The following DLG1 variants were observed in gnomAD, a reference collection of about 807,000 sequenced individuals.
DLG1 encodes discs large MAGUK scaffold protein 1.
DLG1 carries 42 observed loss-of-function variants against 123.4 expected under a neutral mutation model. The observed-to-expected ratio is 0.34, with a 90% CI of 0.27 to 0.44. DLG1 has a LOEUF of 0.44. Ranked by LOEUF, DLG1 falls within the 20% of genes least tolerant of loss-of-function variation. The pLI is 1.00. For synonymous variants in DLG1, 317 were observed against 356.2 expected (o/e 0.89, Z 1.24); for missense variants, 942 against 1,082.6 (o/e 0.87, Z 1.82).
At chr3:197,180,930 A>AC (rs1290627093) in intron 5 of DLG1, among the ~76,000 whole-genome samples, 1 of 152,214 alleles carries the variant, frequency 6.6e-6, no homozygotes, top group African/African-American at 2.4e-5. Flanking sequence ...GCATTTATTA[A>AC]CACCAACTAC....
intron 5 of DLG1, among the ~76,000 whole-genome samples, chr3:197,159,890 T>C (rs935883036): frequency 6.6e-5 from 10 of 152,196 alleles, no homozygotes; most frequent in Admixed American, 3.9e-4. Context: ...ACAAAACTTG[T>C]TCCTTAGTTT....
chr3:197,151,031 T>C (rs1238699301), intron 5 of DLG1, among the ~76,000 whole-genome samples: 1 of 152,136 alleles, frequency 6.6e-6, no homozygotes, highest in Non-Finnish European at 1.5e-5. Flanking sequence ...AAATAAAAAT[T>C]GTACTTATAA....
At chr3:197,134,100 CTG>C (rs1783955662) in intron 10 of DLG1, among the ~76,000 whole-genome samples, 1 of 152,144 alleles carries the variant, frequency 6.6e-6, no homozygotes, top group Non-Finnish European at 1.5e-5. Context: ...GCTGTCTTGA[CTG>C]TGTTTGTGTG....
intron 13 of DLG1, among the ~76,000 whole-genome samples, 193 bp from the exon 14 acceptor site, chr3:197,105,198 T>C (rs546772571): frequency 1.1e-4 from 16 of 152,356 alleles, no homozygotes; most frequent in Non-Finnish European, 2.1e-4. Context: ...AGCTATTTTA[T>C]TTACTAAAAC....
At chr3:197,250,320 A>G (rs1753744998) in intron 4 of DLG1, among the ~76,000 whole-genome samples, 1 of 152,248 alleles carries the variant, frequency 6.6e-6, no homozygotes, top group Admixed American at 6.5e-5. Context: ...CTGTAATCCC[A>G]GCACTTTGGG....
At chr3:197,270,073 C>T (rs1763292599) in intron 4 of DLG1, among the ~76,000 whole-genome samples, 1 of 152,028 alleles carries the variant, frequency 6.6e-6, no homozygotes, top group Non-Finnish European at 1.5e-5. Flanking sequence ...TCTTACCTCT[C>T]AAAAATAACA....
At chr3:197,202,098 A>G (rs954412130) in intron 4 of DLG1, among the ~76,000 whole-genome samples, 2 of 152,230 alleles carry the variant, frequency 1.3e-5, no homozygotes, top group Non-Finnish European at 2.9e-5. Context: ...ACCACAATAC[A>G]GTTTATTAAT....
intron 3 of DLG1, among the ~76,000 whole-genome samples, chr3:197,290,196 A>G (rs1774139164): frequency 6.6e-6 from 1 of 152,208 alleles, no homozygotes; most frequent in Admixed American, 6.5e-5. Context: ...TTCATGAAAG[A>G]CACGGGAAAA....
At chr3:197,117,226 A>C (rs1773795278) in intron 12 of DLG1, among the ~76,000 whole-genome samples, 1 of 152,212 alleles carries the variant, frequency 6.6e-6, no homozygotes, top group Non-Finnish European at 1.5e-5. Flanking sequence ...CAACTCACAC[A>C]TTACTGATGA....
At chr3:197,052,667 G>C (rs944195496) in intron 23 of DLG1, among the ~76,000 whole-genome samples, 1 of 152,028 alleles carries the variant, frequency 6.6e-6, no homozygotes, top group African/African-American at 2.4e-5. Context: ...CTACCTATCA[G>C]TTTACAGAAA....
intron 5 of DLG1, among the ~76,000 whole-genome samples, chr3:197,169,184 A>G (rs942474290): frequency 1.3e-5 from 2 of 152,230 alleles, no homozygotes; most frequent in African/African-American, 4.8e-5. Flanking sequence ...ATGACCATGT[A>G]CCGCCCTCCC....
chr3:197,264,232 T>C (rs1464644776), intron 4 of DLG1, among the ~76,000 whole-genome samples: 1 of 152,216 alleles, frequency 6.6e-6, no homozygotes, highest in East Asian at 1.9e-4. Flanking sequence ...ACATCAGTTT[T>C]ATACGGTTTA....
At chr3:197,083,184 T>TA (rs901881116) in intron 16 of DLG1, among the ~76,000 whole-genome samples, 5 of 152,328 alleles carry the variant, frequency 3.3e-5, no homozygotes, top group African/African-American at 1.2e-4. Flanking sequence ...ACAGCAGTTA[T>TA]AAGCCCGAAA....
Position 197,042,941 on chromosome 3 carries a change from C to A in DLG1, c.*1682G>T, listed in dbSNP as rs567983287. On this transcript the variant is annotated 3_prime_UTR_variant, in exon 25 of 25. Coordinates refer to ENST00000667157, the MANE Select transcript of DLG1 (RefSeq NM_001366207.1). Reference sequence around the variant, plus strand: ...CACTTAACATATGGATTTTACAATACAGTTTATTAGCTGTTCTCCTCTTCT... The same window carrying A: ...CACTTAACATATGGATTTTACAATAAAGTTTATTAGCTGTTCTCCTCTTCT... 6.6e-6 allele frequency: 1 copy of A among 152,294 alleles called. No individual in the cohort carries two copies. Among genetic ancestry groups the A allele is most frequent in the South Asian group, 2.1e-4 (1 of 4,828 alleles). 9.4% of individuals were successfully genotyped at this position (152,294 alleles called of 1,614,324 possible). A position where few individuals can be genotyped will look rare whatever the true frequency, so the allele number is the denominator to read the frequency against.
At chr3:197,055,058 G>A (rs1166889529) in intron 23 of DLG1, among the ~76,000 whole-genome samples, 4 of 152,060 alleles carry the variant, frequency 2.6e-5, no homozygotes, top group African/African-American at 9.7e-5. Flanking sequence ...CAGGTGTTCT[G>A]CCTGCCTCGG....
At chr3:197,151,232 A>G (rs1793699113) in intron 5 of DLG1, among the ~76,000 whole-genome samples, 1 of 152,214 alleles carries the variant, frequency 6.6e-6, no homozygotes, top group Non-Finnish European at 1.5e-5. Context: ...AAAGAATAGG[A>G]TATTTAAAGT....
chr3:197,264,091 G>C (rs1405043055), intron 4 of DLG1, among the ~76,000 whole-genome samples: 1 of 152,052 alleles, frequency 6.6e-6, no homozygotes, highest in Non-Finnish European at 1.5e-5. Flanking sequence ...CATTAAAATA[G>C]TATGTCTAAT....
chr3:197,117,304 A>G (rs1773858790), intron 12 of DLG1, among the ~76,000 whole-genome samples: 1 of 152,212 alleles, frequency 6.6e-6, no homozygotes, highest in Admixed American at 6.5e-5. Flanking sequence ...ACATAGAATT[A>G]CCATATGACT....
chr3:197,050,023 T>C lies in DLG1; in HGVS notation c.2575+1554A>G, dbSNP rs145091883. Among the ~76,000 whole-genome samples the C allele has an allele frequency of 3.9e-3, 592 of 152,172 alleles. 2 individuals are homozygous for C. The highest frequency in any genetic ancestry group is 5.4e-3 in the Non-Finnish European group (365 of 68,022). On this transcript the variant is annotated intron_variant, in intron 24 of 24. Coordinates refer to ENST00000667157, the MANE Select transcript of DLG1 (RefSeq NM_001366207.1). ...CTGCAGTGAGCCATGATCATGACAC[T>C]GTACTCCAGCCTGGGCAAGAACAAA...
Sources: allele counts gnomAD v4.1 joint callset (sites outside exome capture counted in the v4.1 genomes callset), GRCh38; gene constraint gnomAD v4.1.1; transcripts MANE v1.5; gene names NCBI Gene and HGNC (gene_info 2026-07-23, HGNC 2026-07-21).